The following MYSM1 variants were observed in gnomAD, a reference collection of about 807,000 sequenced individuals.
MYSM1 encodes the protein Myb like, SWIRM and MPN domains 1.
In MYSM1, 51 loss-of-function variants were observed where a neutral mutation model predicts 116.0. The observed-to-expected ratio is 0.44, with a 90% CI of 0.35 to 0.56. The LOEUF is 0.56. MYSM1 is among the 20% of genes least tolerant of loss of function. The pLI is 0.00. For missense variants in MYSM1, 900 were observed against 974.9 expected (o/e 0.92, Z 1.02); for synonymous variants, 313 against 315.2 (o/e 0.99, Z 0.07).
At position 58,699,990 on chromosome 1, in the gene MYSM1, C is replaced by A; in HGVS notation, c.63G>T (p.Gln21His). The A allele has an allele frequency of 6.2e-7, 1 of 1,613,550 alleles. No individual in the cohort carries two copies. The highest frequency in any genetic ancestry group is 8.5e-7 in the Non-Finnish European group (1 of 1,180,010). The change falls in exon 1 of 20, where the codon CAG becomes CAT. Residue 21 changes from glutamine (Q) to histidine (H), a missense_variant. Coordinates refer to ENST00000472487, the MANE Select transcript of MYSM1 (RefSeq NM_001085487.3). ...EGDVVAAAGA[Q>H]PGSGENTASV... ...ACCCGGTCTCTAAGCCTCACCCTGGCTGTGCCCCCGCCGCCGCTACCACGT... is the reference window on the plus strand; with the variant it reads ...ACCCGGTCTCTAAGCCTCACCCTGGATGTGCCCCCGCCGCCGCTACCACGT...
chr1:58,699,647 T>C, intron 1 of MYSM1: 5 of 985,418 alleles, frequency 5.1e-6, no homozygotes, highest in Non-Finnish European at 6.0e-6. Flanking sequence ...GTAGCCGCTC[T>C]TGTTCTAGTT....
At chr1:58,697,208 T>C (rs953673014) in intron 1 of MYSM1, among the ~76,000 whole-genome samples, 24 of 151,762 alleles carry the variant, frequency 1.6e-4, no homozygotes, top group African/African-American at 5.8e-4. Context: ...TTTGGGTGAC[T>C]GGGTGTGTGT....
At chr1:58,679,421 A>T (rs989630407) in intron 8 of MYSM1, among the ~76,000 whole-genome samples, 1 of 152,208 alleles carries the variant, frequency 6.6e-6, no homozygotes, top group African/African-American at 2.4e-5. Context: ...AGTAACAAAT[A>T]TAGAATTTGA....
rs545353947 is a variant in MYSM1 at position 58,685,663 on chromosome 1, T to A, written c.400-412A>T. Reference sequence around the variant, plus strand: ...TCTGTGCTAATTTCAACACTTTTTTTAACTCAGATTCCCTATTTTGCAATA... The same window carrying A: ...TCTGTGCTAATTTCAACACTTTTTTAAACTCAGATTCCCTATTTTGCAATA... On this transcript the variant is annotated intron_variant, in intron 6 of 19. Transcript: ENST00000472487. Among the ~76,000 whole-genome samples the A allele has an allele frequency of 7.2e-5, 11 of 152,318 alleles. No homozygotes were observed. In the South Asian group the frequency reaches 2.1e-3, roughly 29 times the overall value.
intron 6 of MYSM1, 74 bp from the exon 7 acceptor site, chr1:58,685,325 TAAAA>T: frequency 1.6e-6 from 1 of 633,110 alleles, no homozygotes. Flanking sequence ...ACTACCACAT[TAAAA>T]AAAAAAAAAC....
At chr1:58,696,752 T>A (rs561504014) in intron 1 of MYSM1, among the ~76,000 whole-genome samples, 1 of 152,358 alleles carries the variant, frequency 6.6e-6, no homozygotes, top group South Asian at 2.1e-4. Flanking sequence ...AAGAATGTTC[T>A]ATGAGAGCAC....
chr1:58,691,481 C>CTAGACAGT (rs1205793813), intron 3 of MYSM1, among the ~76,000 whole-genome samples: 1 of 152,144 alleles, frequency 6.6e-6, no homozygotes, highest in Non-Finnish European at 1.5e-5. Context: ...AGTGTTTTAT[C>CTAGACAGT]TAGACAGTGG....
At position 58,680,824 on chromosome 1, in the gene MYSM1, A is replaced by ATT. The variant is rs11460082; in HGVS notation, c.1259+959_1259+960dup. On this transcript the variant is annotated intron_variant, in intron 8 of 19. Transcript: ENST00000472487. ...TTAGCAATTATGATTTTTAAAAATA[A>ATT]TTTTTTTTTTTTTTTGAGATGAAGT... Among the ~76,000 whole-genome samples, 175 of 145,794 alleles carry ATT rather than the reference A, an allele frequency of 1.2e-3. 1 individual carries two copies. The South Asian group carries it at 0.014, about 12-fold the overall frequency.
Position 58,658,312 on chromosome 1 carries a change from GAGAA to G in MYSM1, c.*1681_*1684del, listed in dbSNP as rs1644344717. ...TCACTGTTTATCCTAAGTGCACACA[GAGAA>G]ATGGAAAAATACTACCCTTTTTTTT... On this transcript the variant is annotated 3_prime_UTR_variant, in exon 20 of 20. Transcript: ENST00000472487. 1 of 151,950 alleles carries G rather than the reference GAGAA, an allele frequency of 6.6e-6. No individual in the cohort carries two copies. The highest frequency in any genetic ancestry group is 1.5e-5 in the Non-Finnish European group (1 of 67,988). 9.4% of individuals were successfully genotyped at this position (151,950 alleles called of 1,614,324 possible). A position where few individuals can be genotyped will look rare whatever the true frequency, so the allele number is the denominator to read the frequency against.
Position 58,662,546 on chromosome 1 carries a change from A to C in MYSM1, c.2165-1035T>G, listed in dbSNP as rs576991633. The stretch of plus-strand genomic sequence containing the variant: ...ATATAAAAGGCATTGGCAGGATTTG[A>C]ACCCAGGCAGTCAGGCTCGAGAGTT... On this transcript the variant is annotated intron_variant, in intron 17 of 19. Transcript: ENST00000472487. 5.9e-4 allele frequency among the ~76,000 whole-genome samples: 88 copies of C among 150,230 alleles called. 1 individual carries two copies. The highest frequency in any genetic ancestry group is 1.7e-3 in the Admixed American group (25 of 15,056).
In MYSM1 at chr1:58,689,036, AC is replaced by A; in HGVS notation, c.399+1del. The A allele has an allele frequency of 6.2e-7, 1 of 1,604,146 alleles. No homozygotes were observed. The highest frequency in any genetic ancestry group is 1.1e-5 in the South Asian group (1 of 88,248). ...CTAAAAATTTAAAATTGCTCTATTT[AC>A]CAGCCCTTGTTCAAACAGCTCTTTT... On this transcript the variant is annotated splice_donor_variant, in intron 6 of 19. Transcript: ENST00000472487. LOFTEE classifies it high-confidence loss of function.
chr1:58,662,501 G>A (rs1011797413), intron 17 of MYSM1, among the ~76,000 whole-genome samples: 1 of 148,760 alleles, frequency 6.7e-6, no homozygotes, highest in African/African-American at 2.5e-5. Flanking sequence ...TCATAGAAAG[G>A]TTAACCTGCT....
Position 58,660,152 on chromosome 1 carries a change from A to G in MYSM1, c.2332T>C (p.Leu778=). The change falls in exon 20 of 20, where the codon TTG becomes CTG. Residue 778 remains leucine (L), a synonymous_variant. Transcript: ENST00000472487. ...DSDLTCLQKL[L]ECMRKTLSKV... The stretch of plus-strand genomic sequence containing the variant: ...CTCAGAGTCTTCCTCATACACTCCA[A>G]AAGCTAGTTGAAAAGAAAAGTTTTA... 6.5e-7 allele frequency: 1 copy of G among 1,545,874 alleles called. No individual in the cohort carries two copies. Among genetic ancestry groups the G allele is most frequent in the Non-Finnish European group, 8.7e-7 (1 of 1,149,074 alleles).
intron 12 of MYSM1, among the ~76,000 whole-genome samples, chr1:58,670,024 C>T (rs1644537070): frequency 1.3e-5 from 2 of 152,056 alleles, no homozygotes; most frequent in African/African-American, 4.8e-5. Context: ...GAAAAACACA[C>T]AGGAATACAT....
At chr1:58,683,007 T>C (rs543303287) in intron 7 of MYSM1, among the ~76,000 whole-genome samples, 1 of 152,318 alleles carries the variant, frequency 6.6e-6, no homozygotes, top group East Asian at 1.9e-4. Context: ...TTATAATAAC[T>C]GCATTTTAGA....
intron 2 of MYSM1, among the ~76,000 whole-genome samples, chr1:58,693,739 C>T (rs1644934213): frequency 6.6e-6 from 1 of 152,182 alleles, no homozygotes. Flanking sequence ...CTAACTGGTC[C>T]CTTTAACTCC....
chr1:58,665,602 G>A lies in MYSM1; in HGVS notation c.2061C>T (p.Phe687=). 1 of 1,573,534 alleles carries A rather than the reference G, an allele frequency of 6.4e-7. No individual in the cohort carries two copies. The change falls in exon 17 of 20, where the codon TTC becomes TTT. Residue 687 remains phenylalanine (F), a synonymous_variant. Coordinates refer to ENST00000472487, the MANE Select transcript of MYSM1 (RefSeq NM_001085487.3). Reference sequence around the variant, plus strand: ...TATAGGGACTAACAATCATCCCAATGAACTTTGCACCTCCTCTGGAGAAGT... The same window carrying A: ...TATAGGGACTAACAATCATCCCAATAAACTTTGCACCTCCTCTGGAGAAGT... ...QSYFSRGGAK[F]IGMIVSPYNR...
At chr1:58,661,265 A>C in intron 18 of MYSM1, 38 bp from the exon 19 acceptor site, 1 of 1,529,232 alleles carries the variant, frequency 6.5e-7, no homozygotes, top group Non-Finnish European at 9.1e-7. Flanking sequence ...GGTGAAACGA[A>C]TACTATAAAC....
chr1:58,685,692 A>G (rs933101938), intron 6 of MYSM1, among the ~76,000 whole-genome samples: 11 of 152,170 alleles, frequency 7.2e-5, no homozygotes, highest in Admixed American at 4.6e-4. Flanking sequence ...TGCAATATCC[A>G]TTATGTATCT....
Sources: gnomAD v4.1 joint callset for allele counts (sites outside exome capture counted in the v4.1 genomes callset) on GRCh38, gnomAD v4.1.1 for gene constraint, MANE v1.5 for transcripts, NCBI Gene and HGNC (gene_info 2026-07-23, HGNC 2026-07-21) for gene names.